Variants in IL1RAP observed in about 807,000 individuals in gnomAD.
IL1RAP encodes interleukin-1 receptor accessory protein.
In IL1RAP, 35 loss-of-function variants were observed where a neutral mutation model predicts 60.7. The ratio of observed to expected loss-of-function variants is 0.58; its 90% CI spans 0.44 to 0.76. The LOEUF (loss-of-function observed/expected upper bound fraction) is 0.76, where lower values mean the gene tolerates loss of function less well. IL1RAP is among the 30% of genes least tolerant of loss of function. IL1RAP has a pLI of 0.00. For missense variants in IL1RAP, 572 were observed against 693.9 expected, an observed-to-expected ratio of 0.82 and a Z score of 1.97; for synonymous variants, 268 against 250.9, an observed-to-expected ratio of 1.07 and a Z score of -0.64.
intron 3 of IL1RAP, among the ~76,000 whole-genome samples, chr3:190,577,547 A>G (rs1451082920): frequency 6.6e-6 from 1 of 152,180 alleles, no homozygotes; most frequent in African/African-American, 2.4e-5. Flanking sequence ...GGCAGAAGAT[A>G]CATGCCTTTT....
At position 190,568,685 on chromosome 3, in the gene IL1RAP, A is replaced by G. The variant is rs150558028; in HGVS notation, c.64+4332A>G. On this transcript the variant is annotated intron_variant, in intron 3 of 11. Coordinates refer to ENST00000447382, the MANE Select transcript of IL1RAP (RefSeq NM_002182.4). ...CCTTATTTATAAACCAAGCCAACCAACCAAACAATTAACAAACAATAGCAG... is the reference window on the plus strand; with the variant it reads ...CCTTATTTATAAACCAAGCCAACCAGCCAAACAATTAACAAACAATAGCAG... 4.5e-3 allele frequency among the ~76,000 whole-genome samples: 688 copies of G among 152,298 alleles called. 2 individuals carry two copies. The highest frequency in any genetic ancestry group is 0.017 in the Middle Eastern group (5 of 294).
At chr3:190,515,655 C>G (rs1345932680) in intron 1 of IL1RAP, among the ~76,000 whole-genome samples, 1 of 151,824 alleles carries the variant, frequency 6.6e-6, no homozygotes, top group African/African-American at 2.4e-5. Context: ...GTGAACTGCC[C>G]TGATCTGAGA....
intron 1 of IL1RAP, among the ~76,000 whole-genome samples, chr3:190,543,120 T>C (rs1036685377): frequency 6.6e-6 from 1 of 152,060 alleles, no homozygotes; most frequent in Non-Finnish European, 1.5e-5. Context: ...TAAAGCAGCA[T>C]AACCAAGGCT....
chr3:190,522,301 C>G (rs1722100478), intron 1 of IL1RAP, among the ~76,000 whole-genome samples: 1 of 97,778 alleles, frequency 1.0e-5, no homozygotes, highest in Non-Finnish European at 1.7e-5. Context: ...TTCCTTCCTT[C>G]CTTCCTTCCT....
intron 1 of IL1RAP, among the ~76,000 whole-genome samples, chr3:190,549,362 A>T (rs1724659496): frequency 6.6e-6 from 1 of 152,160 alleles, no homozygotes; most frequent in Non-Finnish European, 1.5e-5. Context: ...AAGGATAAGG[A>T]TAAAGATGGA....
chr3:190,609,200 C>G lies in IL1RAP; in HGVS notation c.537+19C>G. On this transcript the variant is annotated intron_variant, in intron 5 of 11. Transcript: ENST00000447382. ...GTATATGGTAAGGAAAATTAGACTA[C>G]ATTTTATTCTCTCTAATGGCTTATA... 6.5e-7 allele frequency: 1 copy of G among 1,529,158 alleles called. No homozygotes were observed. Among genetic ancestry groups the G allele is most frequent in the Non-Finnish European group, 9.0e-7 (1 of 1,116,076 alleles). 94.7% of individuals were successfully genotyped at this position (1,529,158 alleles called of 1,614,324 possible).
intron 11 of IL1RAP, among the ~76,000 whole-genome samples, chr3:190,647,516 C>T (rs1017053394): frequency 6.6e-6 from 1 of 152,110 alleles, no homozygotes; most frequent in African/African-American, 2.4e-5. Flanking sequence ...CATGGCATTT[C>T]CAGTTTTCCT....
At chr3:190,541,188 G>A (rs1473589724) in intron 1 of IL1RAP, among the ~76,000 whole-genome samples, 2 of 152,078 alleles carry the variant, frequency 1.3e-5, no homozygotes, top group Non-Finnish European at 2.9e-5. Flanking sequence ...AGATAGGGGT[G>A]CTATCTCCTG....
intron 2 of IL1RAP, among the ~76,000 whole-genome samples, chr3:190,557,085 A>T (rs529843238): frequency 1.3e-5 from 2 of 152,326 alleles, no homozygotes; most frequent in African/African-American, 4.8e-5. Context: ...AACCCCTAGC[A>T]CATCAGTCTT....
chr3:190,559,417 A>G (rs182107610), intron 2 of IL1RAP, among the ~76,000 whole-genome samples: 3 of 151,916 alleles, frequency 2.0e-5, no homozygotes, highest in East Asian at 3.9e-4. Flanking sequence ...TTCCTTTATT[A>G]TGCTTGTTTC....
downstream of IL1RAP, chr3:190,656,283 C>T: frequency 1.3e-6 from 2 of 1,537,194 alleles, no homozygotes; most frequent in Non-Finnish European, 1.7e-6. Flanking sequence ...TGAAAGAGCC[C>T]CCAGAACTTC....
chr3:190,649,043 C>T lies in IL1RAP; in HGVS notation c.*338C>T. The T allele has an allele frequency of 9.9e-7, 1 of 1,008,690 alleles. No homozygotes were observed. Among genetic ancestry groups the T allele is most frequent in the South Asian group, 4.5e-5 (1 of 22,018 alleles). The allele number at this position is 1,008,690 out of a possible 1,614,324, so 62.5% of individuals were successfully genotyped here. A position where few individuals can be genotyped will look rare whatever the true frequency, so the allele number is the denominator to read the frequency against. ...AATCTTAACATATGGAGCAGCCTTT[C>T]CTATGAATTTAAATATGCCTTTAAA... On this transcript the variant is annotated 3_prime_UTR_variant, in exon 12 of 12. Transcript: ENST00000447382.
At chr3:190,593,120 T>C (rs1729087385) in intron 3 of IL1RAP, among the ~76,000 whole-genome samples, 1 of 152,210 alleles carries the variant, frequency 6.6e-6, no homozygotes, top group Non-Finnish European at 1.5e-5. Context: ...CTGACAAATG[T>C]TATCATCCCT....
intron 3 of IL1RAP, among the ~76,000 whole-genome samples, chr3:190,582,383 G>A (rs1728078256): frequency 1.3e-5 from 2 of 150,524 alleles, no homozygotes; most frequent in Non-Finnish European, 3.0e-5. Flanking sequence ...TCAGTGGCAC[G>A]ATCTCGGCTC....
intron 1 of IL1RAP, among the ~76,000 whole-genome samples, chr3:190,528,821 T>G (rs536059064): frequency 6.6e-6 from 1 of 152,302 alleles, no homozygotes; most frequent in East Asian, 1.9e-4. Context: ...AAGTGAGTCT[T>G]GAAGTGATGG....
At chr3:190,610,963 AT>A (rs1328228268) in intron 5 of IL1RAP, among the ~76,000 whole-genome samples, 1 of 152,212 alleles carries the variant, frequency 6.6e-6, no homozygotes, top group African/African-American at 2.4e-5. Context: ...AATGGGTTAC[AT>A]TTGGATGATG....
At chr3:190,655,248 G>C (rs1447174597), downstream of IL1RAP, among the ~76,000 whole-genome samples, 1 of 152,006 alleles carries the variant, frequency 6.6e-6, no homozygotes, top group Non-Finnish European at 1.5e-5. Context: ...ACTACTCTTA[G>C]AAGACACATC....
chr3:190,544,178 A>T (rs1724179378), intron 1 of IL1RAP, among the ~76,000 whole-genome samples: 1 of 152,150 alleles, frequency 6.6e-6, no homozygotes, highest in Non-Finnish European at 1.5e-5. Context: ...TGAAAGGGTT[A>T]TTTGCTGGGT....
chr3:190,656,465 T>A (rs1045373854), downstream of IL1RAP: 3 of 1,537,264 alleles, frequency 2.0e-6, no homozygotes, highest in Non-Finnish European at 1.7e-6. Flanking sequence ...GAGACACACC[T>A]CTGTAAGCCT....
Sources: allele counts gnomAD v4.1 joint callset (sites outside exome capture counted in the v4.1 genomes callset), GRCh38; gene constraint gnomAD v4.1.1; transcripts MANE v1.5; gene names NCBI Gene and HGNC (gene_info 2026-07-23, HGNC 2026-07-21).